ZNF776: variants seen among roughly 807,000 people sequenced by gnomAD.
The protein encoded by ZNF776 is zinc finger protein 776.
In ZNF776, 4 loss-of-function variants were observed where a neutral mutation model predicts 7.0. That is an observed-to-expected ratio of 0.57 (90% confidence interval 0.28 to 1.31). The LOEUF (loss-of-function observed/expected upper bound fraction) is 1.31, where lower values mean the gene tolerates loss of function less well. Among genes scored for constraint, ZNF776 ranks in the 50% most tolerant of loss-of-function variants. The pLI is 0.10. For synonymous variants in ZNF776, 212 were observed against 213.7 expected (o/e 0.99, Z 0.07); for missense variants, 555 against 625.9 (o/e 0.89, Z 1.21).
chr19:57,750,765 A>G lies in ZNF776; in HGVS notation c.34-20A>G. ...GAGCATATGGAGTGTTTGTGGTTTC[A>G]TCTGTCATCATCACGGCAGGGCACT... is the stretch of plus-strand genomic sequence containing the variant. On this transcript the variant is annotated intron_variant, in intron 1 of 2. Coordinates refer to ENST00000317178, the MANE Select transcript of ZNF776 (RefSeq NM_173632.4). 1.9e-6 allele frequency: 3 copies of G among 1,606,036 alleles called. No individual in the cohort carries two copies. Among genetic ancestry groups the G allele is most frequent in the Non-Finnish European group, 2.6e-6 (3 of 1,175,590 alleles).
At position 57,753,976 on chromosome 19, in the gene ZNF776, C is replaced by G; in HGVS notation, c.846C>G (p.His282Gln). 1 of 1,614,168 alleles carries G rather than the reference C, an allele frequency of 6.2e-7. No homozygotes were observed. Among genetic ancestry groups the G allele is most frequent in the Non-Finnish European group, 8.5e-7 (1 of 1,180,032 alleles). The part of the protein sequence containing the change: ...SFWYKAHLTE[H>Q]QRVHTGERPY... Reference sequence around the variant, plus strand: ...GGTATAAGGCCCACCTCACTGAACACCAGAGAGTTCACACTGGAGAAAGAC... The same window carrying G: ...GGTATAAGGCCCACCTCACTGAACAGCAGAGAGTTCACACTGGAGAAAGAC... Residue 282 changes from histidine to glutamine, a missense_variant, in exon 3 of 3, where the codon CAC (histidine) becomes CAG (glutamine). His to Gln is a conservative substitution (Grantham distance 24, BLOSUM62 0). Coordinates refer to ENST00000317178, the MANE Select transcript of ZNF776 (RefSeq NM_173632.4).
chr19:57,754,139 C>T lies in ZNF776; in HGVS notation c.1009C>T (p.His337Tyr), dbSNP rs1362345448. The T allele has an allele frequency of 1.9e-6, 3 of 1,613,020 alleles. No homozygotes were observed. The highest frequency in any genetic ancestry group is 2.2e-5 in the East Asian group (1 of 44,856). The change falls in exon 3 of 3, where the codon CAC becomes TAC. Residue 337 changes from histidine to tyrosine, a missense_variant. Transcript: ENST00000317178. ...KSFSHKRSLVHHQRVHTGERP... is the reference protein window; with the variant it reads ...KSFSHKRSLVYHQRVHTGERP... ...TTTTAGCCATAAGCGCAGCCTTGTT[C>T]ACCACCAGCGAGTTCACACTGGAGA...
rs930354440 is a variant in ZNF776, at chr19:57,753,284, C to T, written c.161-7C>T. On this transcript the variant is annotated splice_polypyrimidine_tract_variant and splice_region_variant and intron_variant, in intron 2 of 2. Transcript: ENST00000317178. ...CTTGCATTTTACCAGCATTTTATTT[C>T]TTTTAGGTTGTTGGTATGGAGCAAA... The T allele has an allele frequency of 2.6e-5, 41 of 1,601,828 alleles. No homozygotes were observed. Among genetic ancestry groups the T allele is most frequent in the Non-Finnish European group, 3.2e-5 (37 of 1,173,162 alleles).
At position 57,746,833 on chromosome 19, in the gene ZNF776, T is replaced by A. The variant is rs967573051; in HGVS notation, c.-226T>A. 6.8e-6 allele frequency: 3 copies of A among 441,906 alleles called. No homozygotes were observed. Among genetic ancestry groups the A allele is most frequent in the African/African-American group, 2.0e-5 (1 of 50,210 alleles). 27.4% of individuals were successfully genotyped at this position (441,906 alleles called of 1,614,324 possible). A position where few individuals can be genotyped will look rare whatever the true frequency, so the allele number is the denominator to read the frequency against. ...CTCTACTAGTGGCCATTTTGATTGG[T>A]GTTGGGTGTATTTTCCAGTGAGAGA... On this transcript the variant is annotated 5_prime_UTR_variant, in exon 1 of 3. Transcript: ENST00000317178.
rs1266682816 is a variant in ZNF776 at position 57,754,268 on chromosome 19, G to T, written c.1138G>T (p.Ala380Ser). The T allele has an allele frequency of 1.2e-6, 2 of 1,613,870 alleles. No individual in the cohort carries two copies. Among genetic ancestry groups the T allele is most frequent in the Admixed American group, 3.3e-5 (2 of 59,990 alleles). The change falls in exon 3 of 3, where the codon GCA (alanine) becomes TCA (serine). Residue 380 changes from alanine to serine, a missense_variant. Coordinates refer to ENST00000317178, the MANE Select transcript of ZNF776 (RefSeq NM_173632.4). ...TGGAGAAAGACCTTTTGAGTGTACG[G>T]CATGTGGGAAGTTATTTAGGAGCAA... ...HTGERPFECT[A>S]CGKLFRSNSH...
intron 2 of ZNF776, among the ~76,000 whole-genome samples, chr19:57,751,788 A>C (rs1600067478): frequency 2.2e-5 from 3 of 138,068 alleles, no homozygotes; most frequent in South Asian, 2.3e-4. Context: ...TAATCCTCCC[A>C]CCTGACTCCT....
Position 57,753,827 on chromosome 19 carries a change from G to A in ZNF776, c.697G>A (p.Glu233Lys). The A allele has an allele frequency of 6.2e-7, 1 of 1,614,214 alleles. No homozygotes were observed. Among genetic ancestry groups the A allele is most frequent in the Non-Finnish European group, 8.5e-7 (1 of 1,180,032 alleles). ...LVLHQRLLPR[E>K]GPYVCSDSGK... ...CCTTCACCAGAGACTTCTCCCTAGA[G>A]AAGGACCTTATGTATGCAGTGATTC... Residue 233 changes from glutamate to lysine, a missense_variant, in exon 3 of 3, where the codon GAA becomes AAA. Physicochemically the swap from Glu to Lys is moderately conservative, Grantham distance 56 (BLOSUM62 1). Coordinates refer to ENST00000317178, the MANE Select transcript of ZNF776 (RefSeq NM_173632.4).
rs1194444435 is a variant in ZNF776, at chr19:57,753,410, A to G, written c.280A>G (p.Met94Val). ...VCTKKVHLWG[M>V]CGPLLGDILH... ...TACCAAGAAGGTCCACCTCTGGGGAATGTGTGGCCCTCTCCTGGGAGATAT... is the reference window on the plus strand; with the variant it reads ...TACCAAGAAGGTCCACCTCTGGGGAGTGTGTGGCCCTCTCCTGGGAGATAT... The change falls in exon 3 of 3, where the codon ATG (methionine) becomes GTG (valine). Residue 94 changes from methionine to valine, a missense_variant. By Grantham distance (21) the Met-to-Val change is conservative (BLOSUM62 1). Coordinates refer to ENST00000317178, the MANE Select transcript of ZNF776 (RefSeq NM_173632.4). 2 of 1,614,228 alleles carry G rather than the reference A, an allele frequency of 1.2e-6. No individual in the cohort carries two copies. Among genetic ancestry groups the G allele is most frequent in the South Asian group, 2.2e-5 (2 of 91,090 alleles).
chr19:57,750,468 A>G (rs1986567332), intron 1 of ZNF776, among the ~76,000 whole-genome samples: 1 of 151,682 alleles, frequency 6.6e-6, no homozygotes, highest in Admixed American at 6.6e-5. Context: ...AATGATGTGT[A>G]TTTAGAGAAG....
Position 57,754,004 on chromosome 19 carries a change from TA to T in ZNF776, c.875del (p.Tyr292LeufsTer100), listed in dbSNP as rs778523941. The T allele has an allele frequency of 1.2e-6, 2 of 1,614,132 alleles. No homozygotes were observed. Among genetic ancestry groups the T allele is most frequent in the South Asian group, 2.2e-5 (2 of 91,078 alleles). ...GAGAGTTCACACTGGAGAAAGACCTTATGAGTGTGGAGAATGTGATAAATCT... is the reference window on the plus strand; with the variant it reads ...GAGAGTTCACACTGGAGAAAGACCTTTGAGTGTGGAGAATGTGATAAATCT... ...HQRVHTGERP[Y>X]ECGECDKSFS... is the part of the protein sequence containing the mutation. On this transcript the variant is annotated frameshift_variant, in exon 3 of 3. Coordinates refer to ENST00000317178, the MANE Select transcript of ZNF776 (RefSeq NM_173632.4). LOFTEE classifies it low-confidence loss of function (END_TRUNC).
In ZNF776 at chr19:57,756,807, G is replaced by A. The variant is rs564991553; in HGVS notation, c.*2120G>A. On this transcript the variant is annotated 3_prime_UTR_variant, in exon 3 of 3. Transcript: ENST00000317178. Reference sequence around the variant, plus strand: ...GTGTCCTGAAGTCCAGAATTCTGTAGGATAGTGTCCTACGTTATAAGCCTG... The same window carrying A: ...GTGTCCTGAAGTCCAGAATTCTGTAAGATAGTGTCCTACGTTATAAGCCTG... The A allele has an allele frequency of 2.1e-4, 95 of 444,428 alleles. No homozygotes were observed. The highest frequency in any genetic ancestry group is 1.1e-3 in the East Asian group (16 of 14,248). The allele number at this position is 444,428 out of a possible 1,614,324, so 27.5% of individuals were successfully genotyped here.
In ZNF776 at chr19:57,746,959, C is replaced by G. The variant is rs1050322830; in HGVS notation, c.-100C>G. 1.6e-6 allele frequency: 2 copies of G among 1,284,608 alleles called. No individual in the cohort carries two copies. The highest frequency in any genetic ancestry group is 2.6e-5 in the East Asian group (1 of 38,460). 79.6% of individuals were successfully genotyped at this position (1,284,608 alleles called of 1,614,324 possible). A position where few individuals can be genotyped will look rare whatever the true frequency, so the allele number is the denominator to read the frequency against. Reference sequence around the variant, plus strand: ...GCTGCTCTGCAGCTCCTTAAAGGCGCTAGGCGTGACCCGCACCAAGGCCGG... The same window carrying G: ...GCTGCTCTGCAGCTCCTTAAAGGCGGTAGGCGTGACCCGCACCAAGGCCGG... On this transcript the variant is annotated 5_prime_UTR_variant, in exon 1 of 3. Transcript: ENST00000317178.
chr19:57,753,160 G>T lies in ZNF776; in HGVS notation c.161-131G>T, dbSNP rs1986655985. On this transcript the variant is annotated intron_variant, in intron 2 of 2. Transcript: ENST00000317178. ...TAAAGGACCTTCATAAAGCATGTGG[G>T]TGCTATATAAAAGGATATGTCTAGG... 6 of 812,248 alleles carry T rather than the reference G, an allele frequency of 7.4e-6. No homozygotes were observed. The South Asian group carries it at 1.1e-4, about 15-fold the overall frequency. 50.3% of individuals were successfully genotyped at this position (812,248 alleles called of 1,614,324 possible).
chr19:57,747,678 CTCA>C (rs1004513759), intron 1 of ZNF776, among the ~76,000 whole-genome samples: 7 of 152,128 alleles, frequency 4.6e-5, no homozygotes, highest in African/African-American at 1.7e-4. Flanking sequence ...CTTATCAAAT[CTCA>C]TCAGGGATAC....
chr19:57,750,964 A>G (rs1986586302), intron 2 of ZNF776, 53 bp downstream of exon 2: 3 of 1,541,420 alleles, frequency 1.9e-6, no homozygotes, highest in South Asian at 1.2e-5. Context: ...GTCTGTCCCC[A>G]TCTTTTTTCC....
At position 57,746,972 on chromosome 19, in the gene ZNF776, G is replaced by T; in HGVS notation, c.-87G>T. On this transcript the variant is annotated 5_prime_UTR_variant, in exon 1 of 3. Coordinates refer to ENST00000317178, the MANE Select transcript of ZNF776 (RefSeq NM_173632.4). ...TCCTTAAAGGCGCTAGGCGTGACCC[G>T]CACCAAGGCCGGGATCGGGACCACC... is the stretch of plus-strand genomic sequence containing the variant. 13 of 1,388,250 alleles carry T rather than the reference G, an allele frequency of 9.4e-6. No individual in the cohort carries two copies. In the South Asian group the frequency reaches 1.6e-4, roughly 17 times the overall value. 86.0% of individuals were successfully genotyped at this position (1,388,250 alleles called of 1,614,324 possible).
At chr19:57,752,074 G>A (rs534368426) in intron 2 of ZNF776, among the ~76,000 whole-genome samples, 3 of 151,940 alleles carry the variant, frequency 2.0e-5, no homozygotes, top group East Asian at 1.9e-4. Context: ...GGGTTTCACC[G>A]TGTTAGCCAG....
In ZNF776 at chr19:57,756,337, TCC is replaced by T. The variant is rs1367347694; in HGVS notation, c.*1651_*1652del. The T allele has an allele frequency of 6.6e-6, 1 of 152,214 alleles. No homozygotes were observed. Among genetic ancestry groups the T allele is most frequent in the African/African-American group, 2.4e-5 (1 of 41,452 alleles). 9.4% of individuals were successfully genotyped at this position (152,214 alleles called of 1,614,324 possible). A position where few individuals can be genotyped will look rare whatever the true frequency, so the allele number is the denominator to read the frequency against. ...TGTTCTGGTTTCTGCTATGATGAAG[TCC>T]TTATTTAAGCTTCCTTCAATCTTGG... is the stretch of plus-strand genomic sequence containing the variant. On this transcript the variant is annotated 3_prime_UTR_variant, in exon 3 of 3. Transcript: ENST00000317178.
rs1986683769 is a variant in ZNF776, at chr19:57,753,796, A to C, written c.666A>C (p.Ser222=). The C allele has an allele frequency of 1.9e-6, 3 of 1,614,202 alleles. No individual in the cohort carries two copies. In the East Asian group the frequency reaches 6.7e-5, roughly 36 times the overall value. ...ESTIPFSNKH[S]LVLHQRLLPR... is the part of the protein sequence containing the mutation. The stretch of plus-strand genomic sequence containing the variant: ...CAATACCGTTTAGCAACAAACACTC[A>C]CTTGTCCTTCACCAGAGACTTCTCC... The change falls in exon 3 of 3, where the codon TCA becomes TCC. Residue 222 remains serine (S), a synonymous_variant. Coordinates refer to ENST00000317178, the MANE Select transcript of ZNF776 (RefSeq NM_173632.4).
Sources: allele counts gnomAD v4.1 joint callset (sites outside exome capture counted in the v4.1 genomes callset), GRCh38; gene constraint gnomAD v4.1.1; transcripts MANE v1.5; gene names NCBI Gene and HGNC (gene_info 2026-07-23, HGNC 2026-07-21).